The following ZYG11B variants were observed in gnomAD, a reference collection of about 807,000 sequenced individuals.
The protein encoded by ZYG11B is protein zyg-11 homolog B.
A neutral mutation model predicts 82.4 loss-of-function variants in ZYG11B; 36 were observed. That is an observed-to-expected ratio of 0.44 (90% CI 0.33 to 0.58). The LOEUF is 0.58. Ranked by LOEUF, ZYG11B falls within the 20% of genes least tolerant of loss-of-function variation. ZYG11B has a pLI of 0.02. For missense variants in ZYG11B, 552 were observed against 895.6 expected, an observed-to-expected ratio of 0.62 and a Z score of 4.90; for synonymous variants, 303 against 312.8, an observed-to-expected ratio of 0.97 and a Z score of 0.33.
intron 10 of ZYG11B, among the ~76,000 whole-genome samples, chr1:52,807,167 G>A (rs545658859): frequency 2.0e-5 from 3 of 151,614 alleles, no homozygotes; most frequent in African/African-American, 4.8e-5. Flanking sequence ...CACCGCGCCC[G>A]GCCTTTTTTT....
At chr1:52,805,425 A>G (rs1429117677) in intron 10 of ZYG11B, 1 of 455,354 alleles carries the variant, frequency 2.2e-6, no homozygotes, top group Non-Finnish European at 4.4e-6. Context: ...ATGTCCAGTA[A>G]TAGAGGAATT....
At chr1:52,767,586 A>AG (rs1474496596) in intron 2 of ZYG11B, among the ~76,000 whole-genome samples, 2 of 152,182 alleles carry the variant, frequency 1.3e-5, no homozygotes, top group African/African-American at 4.8e-5. Context: ...TACAGGTGTG[A>AG]GCCACTATGC....
chr1:52,776,229 A>AAAAATATATATAT, intron 3 of ZYG11B, among the ~76,000 whole-genome samples: 1 of 23,526 alleles, frequency 4.3e-5, no homozygotes, highest in African/African-American at 9.5e-5. Context: ...TAAAAAAAAA[A>AAAAATATATATAT]ATATATATAT....
chr1:52,812,076 C>G (rs566622441), intron 10 of ZYG11B, among the ~76,000 whole-genome samples: 22 of 151,984 alleles, frequency 1.4e-4, no homozygotes, highest in Non-Finnish European at 2.6e-4. Flanking sequence ...TTCATTTTCT[C>G]CCTTCATGTT....
chr1:52,818,737 G>A (rs1023639464), intron 13 of ZYG11B, among the ~76,000 whole-genome samples: 1 of 150,572 alleles, frequency 6.6e-6, no homozygotes, highest in African/African-American at 2.4e-5. Flanking sequence ...TGTGAGAGTT[G>A]TTTTTACTAA....
chr1:52,785,762 A>C (rs1644907649), intron 5 of ZYG11B, among the ~76,000 whole-genome samples: 1 of 152,114 alleles, frequency 6.6e-6, no homozygotes, highest in Non-Finnish European at 1.5e-5. Flanking sequence ...ACTTTTTTTT[A>C]GGTCATTTGA....
Position 52,796,437 on chromosome 1 carries a change from C to T in ZYG11B, c.1434+46C>T, listed in dbSNP as rs1432959797. Reference sequence around the variant, plus strand: ...TAATTTTCTGTAGACAGCTGTTTCTCACTACATTTACTGTTTCCCCCCAAA... The same window carrying T: ...TAATTTTCTGTAGACAGCTGTTTCTTACTACATTTACTGTTTCCCCCCAAA... On this transcript the variant is annotated intron_variant, in intron 7 of 13. Transcript: ENST00000294353. 2.1e-6 allele frequency: 3 copies of T among 1,458,958 alleles called. No homozygotes were observed. The Admixed American group carries it at 5.3e-5, about 26-fold the overall frequency. 90.4% of individuals were successfully genotyped at this position (1,458,958 alleles called of 1,614,324 possible). A position where few individuals can be genotyped will look rare whatever the true frequency, so the allele number is the denominator to read the frequency against.
chr1:52,745,277 A>G (rs1182802592), intron 1 of ZYG11B, among the ~76,000 whole-genome samples: 1 of 152,228 alleles, frequency 6.6e-6, no homozygotes, highest in East Asian at 1.9e-4. Flanking sequence ...AGGAAGACCA[A>G]TAAAAACCGG....
intron 1 of ZYG11B, among the ~76,000 whole-genome samples, chr1:52,733,825 A>G (rs2149917516): frequency 6.6e-6 from 1 of 152,342 alleles, no homozygotes; most frequent in Non-Finnish European, 1.5e-5. Context: ...AGATTAAGTT[A>G]TAACAATGCA....
rs577256694 is a variant in ZYG11B at position 52,813,694 on chromosome 1, A to G, written c.1854A>G (p.Thr618=). The change falls in exon 11 of 14, where the codon ACA becomes ACG. Residue 618 remains threonine, a synonymous_variant. Coordinates refer to ENST00000294353, the MANE Select transcript of ZYG11B (RefSeq NM_024646.3). ...HLISRGEQAW[T]LSRSQRNSLL... ...TATCCAGAGGTGAACAAGCTTGGAC[A>G]TTGAGTCGTAGCCAGAGGAATTCTC... is the stretch of plus-strand genomic sequence containing the variant. 13 of 1,614,164 alleles carry G rather than the reference A, an allele frequency of 8.1e-6. No individual in the cohort carries two copies. The South Asian group carries it at 8.8e-5, about 11-fold the overall frequency.
At chr1:52,772,727 G>C in intron 3 of ZYG11B, 1 of 659,846 alleles carries the variant, frequency 1.5e-6, no homozygotes, top group Non-Finnish European at 2.7e-6. Context: ...GCCCAGGCTG[G>C]AGTGCAGTGG....
intron 2 of ZYG11B, among the ~76,000 whole-genome samples, chr1:52,763,124 AG>A (rs1380641617): frequency 6.6e-6 from 1 of 151,922 alleles, no homozygotes; most frequent in Non-Finnish European, 1.5e-5. Flanking sequence ...ATTAATTTCT[AG>A]GGTTTCTCTT....
intron 2 of ZYG11B, among the ~76,000 whole-genome samples, chr1:52,765,520 T>C (rs1238228934): frequency 1.3e-5 from 2 of 152,134 alleles, no homozygotes; most frequent in African/African-American, 4.8e-5. Flanking sequence ...TTTTTGTTTT[T>C]TCCCAGTCAG....
chr1:52,813,745 C>T lies in ZYG11B; in HGVS notation c.1893+12C>T, dbSNP rs1571801144. ...TGCTGGATGATTTGGTAGGGTCATT[C>T]CATACCAACAAAAGACATTCATAGT... On this transcript the variant is annotated intron_variant, in intron 11 of 13. Coordinates refer to ENST00000294353, the MANE Select transcript of ZYG11B (RefSeq NM_024646.3). The T allele has an allele frequency of 2.5e-6, 4 of 1,614,040 alleles. No individual in the cohort carries two copies. The East Asian group carries it at 8.9e-5, about 36-fold the overall frequency.
Position 52,771,740 on chromosome 1 carries a change from A to G in ZYG11B, c.917A>G (p.Tyr306Cys), listed in dbSNP as rs774793899. The change falls in exon 3 of 14, where the codon TAC becomes TGC. Residue 306 changes from tyrosine to cysteine, a missense_variant. Tyr to Cys is a radical substitution (Grantham distance 194). Around this residue, in one of 3 missense-constraint regions of ZYG11B, gnomAD observed 359 missense variants for 555.8 expected, o/e 0.65. Coordinates refer to ENST00000294353, the MANE Select transcript of ZYG11B (RefSeq NM_024646.3). This position sits in a 1 kb window ranked among gnomAD's most constrained non-coding sequence, Gnocchi z 5.4. Reference protein sequence around the residue: ...FVGLLATDAGYSEFLTGEGHL... With the variant: ...FVGLLATDAGCSEFLTGEGHL... ...GGTTTGCTGGCTACTGATGCTGGTT[A>G]CTCTGAATTCCTCACAGGCGAAGGA... 6.2e-7 allele frequency: 1 copy of G among 1,613,098 alleles called. No individual in the cohort carries two copies. Among genetic ancestry groups the G allele is most frequent in the Non-Finnish European group, 8.5e-7 (1 of 1,179,310 alleles).
chr1:52,777,071 G>A (rs548421681), intron 3 of ZYG11B, among the ~76,000 whole-genome samples: 5 of 152,110 alleles, frequency 3.3e-5, no homozygotes, highest in South Asian at 2.1e-4. Context: ...TTAGCCGGGC[G>A]TGGTGGCGGG....
At chr1:52,806,259 C>G (rs1000835286) in intron 10 of ZYG11B, among the ~76,000 whole-genome samples, 5 of 152,116 alleles carry the variant, frequency 3.3e-5, no homozygotes, top group Middle Eastern at 3.4e-3. Context: ...GTATAGTGTT[C>G]TATAAATGAC....
Position 52,761,831 on chromosome 1 carries a change from A to G in ZYG11B, c.196+5208A>G, listed in dbSNP as rs116712448. Among the ~76,000 whole-genome samples the G allele has an allele frequency of 2.4e-3, 359 of 152,214 alleles. 2 individuals carry two copies. Among genetic ancestry groups the G allele is most frequent in the African/African-American group, 8.3e-3 (345 of 41,538 alleles). On this transcript the variant is annotated intron_variant, in intron 2 of 13. Coordinates refer to ENST00000294353, the MANE Select transcript of ZYG11B (RefSeq NM_024646.3). ...TATAAGAGTTCTCTTCTCTACATCC[A>G]GTATTTGTTATTTTTTGTCTTTTGT...
At chr1:52,795,459 C>A (rs1184709843) in intron 6 of ZYG11B, among the ~76,000 whole-genome samples, 1 of 152,164 alleles carries the variant, frequency 6.6e-6, no homozygotes, top group Admixed American at 6.5e-5. Context: ...TCCATGTGAT[C>A]TGGTGCCTCT....
Sources: allele counts gnomAD v4.1 joint callset (sites outside exome capture counted in the v4.1 genomes callset), GRCh38; gene constraint gnomAD v4.1.1; regional missense constraint gnomAD v4.1.1; non-coding constraint Gnocchi (gnomAD v3.1); transcripts MANE v1.5; gene names NCBI Gene and HGNC (gene_info 2026-07-23, HGNC 2026-07-21).